Variants in IGSF10 observed in about 807,000 individuals in gnomAD.
IGSF10 encodes the protein calvaria mechanical force protein 608.
Under a neutral mutation model 128.2 loss-of-function variants are expected in IGSF10, and 126 were observed. The ratio of observed to expected loss-of-function variants is 0.98; its 90% CI spans 0.85 to 1.14. The LOEUF (loss-of-function observed/expected upper bound fraction) is 1.14, where lower values mean the gene tolerates loss of function less well. Among genes scored for constraint, IGSF10 ranks in the 50% most tolerant of loss-of-function variants. The pLI, the probability that IGSF10 is intolerant of heterozygous loss-of-function variation, is 0.00. For missense variants in IGSF10, 3,295 were observed against 3,149.8 expected (o/e 1.05, Z -1.10); for synonymous variants, 1,185 against 1,146.2 (o/e 1.03, Z -0.68).
At chr3:151,455,370 C>A (rs1413189950) in intron 4 of IGSF10, among the ~76,000 whole-genome samples, 4 of 151,200 alleles carry the variant, frequency 2.6e-5, no homozygotes, top group African/African-American at 9.7e-5. Flanking sequence ...CCCTTGGCCT[C>A]CCAAAGTTCT....
chr3:151,471,178 C>T, the IGSF10 span, among the ~76,000 whole-genome samples: 1 of 152,158 alleles, frequency 6.6e-6, no homozygotes, highest in Non-Finnish European at 1.5e-5. Flanking sequence ...CACATGCTCT[C>T]GTCTGCCACC....
chr3:151,503,145 G>A, the IGSF10 span, among the ~76,000 whole-genome samples: 5 of 152,046 alleles, frequency 3.3e-5, no homozygotes, highest in African/African-American at 1.2e-4. Context: ...AAAAGCAAAG[G>A]CAAATCCTCT....
rs1721433189 is a variant in IGSF10, at chr3:151,449,963, T to C, written c.716-698A>G. On this transcript the variant is annotated intron_variant, in intron 5 of 7. Transcript: ENST00000282466. ...CCGTTTTATGACTTTGGAAACTGGA[T>C]GGTTGATGGTTCCCTTGGATGAGGT... Among the ~76,000 whole-genome samples the C allele has an allele frequency of 2.0e-5, 3 of 152,236 alleles. No individual in the cohort carries two copies. The South Asian group carries it at 6.2e-4, about 32-fold the overall frequency.
At chr3:151,599,873 A>G in the IGSF10 span, among the ~76,000 whole-genome samples, 8 of 152,244 alleles carry the variant, frequency 5.3e-5, no homozygotes, top group African/African-American at 1.9e-4. Context: ...GTCTAAATGA[A>G]AGATGATTAG....
rs189295439 is a variant in IGSF10 at position 151,440,482 on chromosome 3, C to T, written c.5964-1885G>A. 731 of 448,334 alleles carry T rather than the reference C, an allele frequency of 1.6e-3. 2 individuals carry two copies. The highest frequency in any genetic ancestry group is 2.7e-3 in the Non-Finnish European group (605 of 221,426). 27.8% of individuals were successfully genotyped at this position (448,334 alleles called of 1,614,324 possible). On this transcript the variant is annotated intron_variant, in intron 7 of 7. Transcript: ENST00000282466. Reference sequence around the variant, plus strand: ...ACAAATACACCTAAAGGAAGGGAAACTGCCAGGTGCTTTGCACTGGTTGTT... The same window carrying T: ...ACAAATACACCTAAAGGAAGGGAAATTGCCAGGTGCTTTGCACTGGTTGTT...
chr3:151,594,047 C>T, the IGSF10 span, among the ~76,000 whole-genome samples: 2 of 152,200 alleles, frequency 1.3e-5, no homozygotes, highest in African/African-American at 2.4e-5. Context: ...GCCTCAGCTA[C>T]ATTTTGCCTC....
the IGSF10 span, among the ~76,000 whole-genome samples, chr3:151,468,893 G>T: frequency 6.6e-6 from 1 of 152,160 alleles, no homozygotes; most frequent in East Asian, 1.9e-4. Flanking sequence ...CCCTCCCCCT[G>T]CCCTGCTGCC....
chr3:151,574,977 C>T, the IGSF10 span, among the ~76,000 whole-genome samples: 4 of 152,208 alleles, frequency 2.6e-5, no homozygotes, highest in Admixed American at 1.3e-4. Context: ...AGTCAGGTCC[C>T]TCAGCTGCAG....
chr3:151,530,522 C>G, the IGSF10 span, among the ~76,000 whole-genome samples: 3 of 152,116 alleles, frequency 2.0e-5, no homozygotes, highest in Non-Finnish European at 4.4e-5. Flanking sequence ...GGCAGAAACC[C>G]TACAAGCCAG....
chr3:151,467,223 C>T, the IGSF10 span, among the ~76,000 whole-genome samples: 5 of 152,272 alleles, frequency 3.3e-5, no homozygotes, highest in East Asian at 9.7e-4. Context: ...AGTCCACTAA[C>T]CTTTTTGCTA....
chr3:151,443,122 C>T lies in IGSF10; in HGVS notation c.5825G>A (p.Arg1942Lys). The change falls in exon 7 of 8, where the codon AGG (arginine) becomes AAG (lysine). Residue 1942 changes from arginine (R) to lysine (K), a missense_variant. Coordinates refer to ENST00000282466, the MANE Select transcript of IGSF10 (RefSeq NM_178822.5). ...LTMEERVTSP[R>K]IEAASQKRTE... ...CCTTTTCTGGGATGCAGCTTCTATC[C>T]TGGGGCTGGTCACTCGCTCTTCCAT... is the stretch of plus-strand genomic sequence containing the variant. 1 of 1,614,220 alleles carries T rather than the reference C, an allele frequency of 6.2e-7. No individual in the cohort carries two copies. The highest frequency in any genetic ancestry group is 8.5e-7 in the Non-Finnish European group (1 of 1,180,050).
At chr3:151,548,312 CCAG>C in the IGSF10 span, among the ~76,000 whole-genome samples, 2 of 152,144 alleles carry the variant, frequency 1.3e-5, no homozygotes, top group African/African-American at 4.8e-5. Context: ...AAGCTGACAG[CCAG>C]CATCAAATGC....
chr3:151,524,523 A>C, the IGSF10 span, among the ~76,000 whole-genome samples: 1 of 152,208 alleles, frequency 6.6e-6, no homozygotes, highest in Non-Finnish European at 1.5e-5. Context: ...AAACTAACAC[A>C]GGAACAGAAA....
rs1721284495 is a variant in IGSF10 at position 151,447,759 on chromosome 3, C to CT, written c.2221dup (p.Arg741LysfsTer9). 1 of 1,614,020 alleles carries CT rather than the reference C, an allele frequency of 6.2e-7. No individual in the cohort carries two copies. The highest frequency in any genetic ancestry group is 1.3e-5 in the African/African-American group (1 of 74,924). ...CCTAGCAGAGGGAGGGAAATGCCTC[C>CT]TATTCTCCCTAAAACGTCGATGTGT... On this transcript the variant is annotated frameshift_variant, in exon 6 of 8. Transcript: ENST00000282466. LOFTEE classifies it high-confidence loss of function.
At chr3:151,484,073 C>T in the IGSF10 span, among the ~76,000 whole-genome samples, 2 of 152,194 alleles carry the variant, frequency 1.3e-5, no homozygotes, top group Non-Finnish European at 2.9e-5. Flanking sequence ...CATGCCAGCA[C>T]AGCAGTCTGA....
chr3:151,512,542 A>T, the IGSF10 span, among the ~76,000 whole-genome samples: 1 of 152,214 alleles, frequency 6.6e-6, no homozygotes, highest in Non-Finnish European at 1.5e-5. Context: ...CTAACATCAC[A>T]ATTAAAAGAA....
chr3:151,466,667 C>A, the IGSF10 span, among the ~76,000 whole-genome samples: 1 of 152,162 alleles, frequency 6.6e-6, no homozygotes, highest in Non-Finnish European at 1.5e-5. Context: ...CAGCCTCCAC[C>A]TCCTGGGTTC....
chr3:151,577,169 C>A, the IGSF10 span, among the ~76,000 whole-genome samples: 15 of 152,204 alleles, frequency 9.9e-5, no homozygotes, highest in African/African-American at 3.6e-4. Flanking sequence ...GAATTGTTTT[C>A]TTTGGCATTT....
chr3:151,532,210 G>T, the IGSF10 span, among the ~76,000 whole-genome samples: 1 of 151,584 alleles, frequency 6.6e-6, no homozygotes, highest in African/African-American at 2.4e-5. Flanking sequence ...CCACAAAAAA[G>T]TCCAAGGCCA....
Sources: allele counts gnomAD v4.1 joint callset (sites outside exome capture counted in the v4.1 genomes callset), GRCh38; gene constraint gnomAD v4.1.1; transcripts MANE v1.5; gene names NCBI Gene and HGNC (gene_info 2026-07-23, HGNC 2026-07-21).